Variants in LRP6 observed in about 807,000 individuals in gnomAD.
LRP6 encodes low-density lipoprotein receptor-related protein 6.
A neutral mutation model predicts 184.1 loss-of-function variants in LRP6; 43 were observed. The ratio of observed to expected loss-of-function variants is 0.23; its 90% confidence interval spans 0.18 to 0.30. The LOEUF (loss-of-function observed/expected upper bound fraction) is 0.30. LRP6 is among the 10% of genes least tolerant of loss of function. LRP6 has a pLI of 1.00. For synonymous variants in LRP6, 719 were observed against 684.9 expected (o/e 1.05, Z -0.78); for missense variants, 1,571 against 2,005.3 (o/e 0.78, Z 4.14).
rs1862815985 is a variant in LRP6 at position 12,164,313 on chromosome 12, A to G, written c.2012T>C (p.Val671Ala). 1.2e-6 allele frequency: 2 copies of G among 1,614,158 alleles called. No individual in the cohort carries two copies. Among genetic ancestry groups the G allele is most frequent in the Non-Finnish European group, 1.7e-6 (2 of 1,180,004 alleles). Reference protein sequence around the residue: ...VKEASALDFDVTDNRIYWTDI... With the variant: ...VKEASALDFDATDNRIYWTDI... ...AGTCCAATAAATTCGGTTGTCTGTC[A>G]CATCAAAATCCAAAGCAGAAGCTTC... The change falls in exon 9 of 23, where the codon GTG becomes GCG. Residue 671 changes from valine (V) to alanine (A), a missense_variant. Transcript: ENST00000261349.
chr12:12,243,200 A>T (rs1427291790), intron 2 of LRP6, among the ~76,000 whole-genome samples: 1 of 152,238 alleles, frequency 6.6e-6, no homozygotes, highest in Non-Finnish European at 1.5e-5. Flanking sequence ...TACTAATAGT[A>T]GAAATGAGAC....
chr12:12,197,847 C>G (rs1290660602), intron 3 of LRP6, among the ~76,000 whole-genome samples: 1 of 152,190 alleles, frequency 6.6e-6, no homozygotes, highest in African/African-American at 2.4e-5. Context: ...AGTTCAAGAC[C>G]AGCTGGGCAA....
intron 15 of LRP6, among the ~76,000 whole-genome samples, chr12:12,140,074 A>C (rs1434960697): frequency 2.0e-5 from 3 of 152,224 alleles, no homozygotes; most frequent in African/African-American, 7.2e-5. Flanking sequence ...AAATACAAAC[A>C]GCTAAGGATC....
At position 12,266,888 on chromosome 12, in the gene LRP6, C is replaced by CG; in HGVS notation, c.-154dup. The CG allele has an allele frequency of 1.4e-6, 1 of 709,536 alleles. No homozygotes were observed. 44.0% of individuals were successfully genotyped at this position (709,536 alleles called of 1,614,324 possible). A position where few individuals can be genotyped will look rare whatever the true frequency, so the allele number is the denominator to read the frequency against. On this transcript the variant is annotated 5_prime_UTR_variant, in exon 1 of 23. An upstream open reading frame in the 5' UTR loses its in-frame stop. Coordinates refer to ENST00000261349, the MANE Select transcript of LRP6 (RefSeq NM_002336.3). ...GAAAGAAAGGGGCACGTCAAGGTTC[C>CG]GCGCGCGCCGCCGCCGCCCTCTCTA... is the stretch of plus-strand genomic sequence containing the variant.
chr12:12,131,087 A>G (rs1949746256), intron 18 of LRP6, among the ~76,000 whole-genome samples, 194 bp from the exon 19 acceptor site: 1 of 147,744 alleles, frequency 6.8e-6, no homozygotes, highest in Non-Finnish European at 1.5e-5. Context: ...CCAGCAGGAA[A>G]TTTCCTAACA....
At chr12:12,252,204 G>A (rs978599394) in intron 1 of LRP6, among the ~76,000 whole-genome samples, 6 of 151,022 alleles carry the variant, frequency 4.0e-5, no homozygotes, top group Admixed American at 1.3e-4. Flanking sequence ...TTTTTTTTCC[G>A]GTCACTTTTG....
chr12:12,203,945 A>C (rs969735682), intron 2 of LRP6, among the ~76,000 whole-genome samples: 2 of 152,196 alleles, frequency 1.3e-5, no homozygotes, highest in Admixed American at 6.5e-5. Flanking sequence ...TATTGGTAAA[A>C]AGGATATTTA....
chr12:12,118,854 G>A lies in LRP6; in HGVS notation c.*2272C>T, dbSNP rs1405015486. The A allele has an allele frequency of 6.6e-6, 1 of 152,224 alleles. No homozygotes were observed. The highest frequency in any genetic ancestry group is 1.5e-5 in the Non-Finnish European group (1 of 68,046). The allele number at this position is 152,224 out of a possible 1,614,324, so 9.4% of individuals were successfully genotyped here. A position where few individuals can be genotyped will look rare whatever the true frequency, so the allele number is the denominator to read the frequency against. ...ATCGCAGTGCAAGCACGTGGACTGA[G>A]ATCCAACAAGGCAATATTCTTCTTA... On this transcript the variant is annotated 3_prime_UTR_variant, in exon 23 of 23. Transcript: ENST00000261349.
At position 12,119,587 on chromosome 12, in the gene LRP6, G is replaced by A. The variant is rs1219982207; in HGVS notation, c.*1539C>T. On this transcript the variant is annotated 3_prime_UTR_variant, in exon 23 of 23. Transcript: ENST00000261349. ...ACAGCAGGTCAGGCAGATCACAAAA[G>A]AGGCTTCCATTATTCCCTTCCACCC... The A allele has an allele frequency of 2.0e-5, 3 of 152,146 alleles. No homozygotes were observed. The highest frequency in any genetic ancestry group is 7.2e-5 in the African/African-American group (3 of 41,418). 9.4% of individuals were successfully genotyped at this position (152,146 alleles called of 1,614,324 possible). A position where few individuals can be genotyped will look rare whatever the true frequency, so the allele number is the denominator to read the frequency against.
At chr12:12,241,311 A>T (rs1159180684) in intron 2 of LRP6, among the ~76,000 whole-genome samples, 1 of 152,200 alleles carries the variant, frequency 6.6e-6, no homozygotes, top group African/African-American at 2.4e-5. Context: ...CAAAAAATAA[A>T]TCTGGAAATC....
chr12:12,138,343 G>C lies in LRP6; in HGVS notation c.3589C>G (p.Leu1197Val). 6.2e-7 allele frequency: 1 copy of C among 1,613,964 alleles called. No homozygotes were observed. Among genetic ancestry groups the C allele is most frequent in the Non-Finnish European group, 8.5e-7 (1 of 1,179,878 alleles). ...CACTTACTGTATTCTTGAAGGTTCA[G>C]CTCCTTTACTGCATGAATGTCACTA... ...QLSDIHAVKELNLQEYRQHPC... is the reference protein window; with the variant it reads ...QLSDIHAVKEVNLQEYRQHPC... Residue 1197 changes from leucine (L) to valine (V), a missense_variant, in exon 16 of 23, where the codon CTG becomes GTG. Physicochemically the swap from Leu to Val is conservative, Grantham distance 32. Coordinates refer to ENST00000261349, the MANE Select transcript of LRP6 (RefSeq NM_002336.3).
chr12:12,151,967 G>T (rs1007837523), intron 12 of LRP6, among the ~76,000 whole-genome samples: 2 of 152,126 alleles, frequency 1.3e-5, no homozygotes, highest in South Asian at 4.1e-4. Flanking sequence ...TGGAAAGAGA[G>T]CAGGTAAAAA....
chr12:12,156,668 A>C (rs1299524760), intron 12 of LRP6, among the ~76,000 whole-genome samples: 1 of 152,196 alleles, frequency 6.6e-6, no homozygotes, highest in Non-Finnish European at 1.5e-5. Context: ...TAACCACTTT[A>C]CCCAAAAATC....
intron 1 of LRP6, among the ~76,000 whole-genome samples, chr12:12,258,057 T>C (rs1407586193): frequency 6.6e-6 from 1 of 152,156 alleles, no homozygotes; most frequent in African/African-American, 2.4e-5. Flanking sequence ...TTGAATTCAA[T>C]CTCAGATATG....
At chr12:12,256,168 A>T (rs988206825) in intron 1 of LRP6, among the ~76,000 whole-genome samples, 1 of 152,210 alleles carries the variant, frequency 6.6e-6, no homozygotes, top group Non-Finnish European at 1.5e-5. Context: ...ATTTAGTAAA[A>T]AGATTTAACT....
chr12:12,262,865 C>T (rs557276523), intron 1 of LRP6, among the ~76,000 whole-genome samples: 1 of 152,004 alleles, frequency 6.6e-6, no homozygotes, highest in Non-Finnish European at 1.5e-5. Context: ...ATTAACCTAC[C>T]TTTATTAAAT....
intron 3 of LRP6, 121 bp from the exon 4 acceptor site, chr12:12,187,240 A>G: frequency 1.3e-6 from 1 of 778,308 alleles, no homozygotes; most frequent in Non-Finnish European, 2.2e-6. Flanking sequence ...TGAGTAATAC[A>G]TACCAATAGG....
chr12:12,202,863 T>C (rs909383639), intron 3 of LRP6, among the ~76,000 whole-genome samples: 3 of 152,118 alleles, frequency 2.0e-5, no homozygotes. Context: ...GGAACTAAAA[T>C]ACTAGTAGCA....
rs1381514937 is a variant in LRP6 at position 12,219,279 on chromosome 12, A to G, written c.450-15879T>C. ...GAGTGCAGTGGCACCGTCTCGGCTC[A>G]CTGCAACCTCCACCACCCGGGGTTC... On this transcript the variant is annotated intron_variant, in intron 2 of 22. Transcript: ENST00000261349. Among the ~76,000 whole-genome samples the G allele has an allele frequency of 2.0e-5, 3 of 152,116 alleles. No individual in the cohort carries two copies. The East Asian group carries it at 5.8e-4, about 29-fold the overall frequency.
Sources: allele counts gnomAD v4.1 joint callset (sites outside exome capture counted in the v4.1 genomes callset), GRCh38; gene constraint gnomAD v4.1.1; transcripts MANE v1.5; gene names NCBI Gene and HGNC (gene_info 2026-07-23, HGNC 2026-07-21).